TP53BP1: variants seen among roughly 807,000 people sequenced by gnomAD.
TP53BP1 encodes tumor protein p53 binding protein 1.
In TP53BP1, 61 loss-of-function variants were observed where a neutral mutation model predicts 200.8. The ratio of observed to expected loss-of-function variants is 0.30; its 90% confidence interval spans 0.25 to 0.38. The LOEUF (loss-of-function observed/expected upper bound fraction) is 0.38. Among genes scored for constraint, TP53BP1 ranks in the 10% least tolerant of loss-of-function variants. The pLI is 1.00. For synonymous variants in TP53BP1, 822 were observed against 844.3 expected (o/e 0.97, Z 0.46); for missense variants, 2,144 against 2,371.9 (o/e 0.90, Z 2.00).
In TP53BP1 at chr15:43,409,746, ATT is replaced by A; in HGVS notation, c.5306-7_5306-6del. 7.0e-7 allele frequency: 1 copy of A among 1,432,598 alleles called. No individual in the cohort carries two copies. Among genetic ancestry groups the A allele is most frequent in the Non-Finnish European group, 9.5e-7 (1 of 1,054,834 alleles). The allele number at this position is 1,432,598 out of a possible 1,614,324, so 88.7% of individuals were successfully genotyped here. A position where few individuals can be genotyped will look rare whatever the true frequency, so the allele number is the denominator to read the frequency against. ...AAGGAGGAATTTCCAAAAATTCTAT[ATT>A]AAAAAAAAAAACCAAGATAATAATT... On this transcript the variant is annotated splice_region_variant and splice_polypyrimidine_tract_variant and intron_variant, in intron 24 of 27. Coordinates refer to ENST00000382044, the MANE Select transcript of TP53BP1 (RefSeq NM_001141980.3).
chr15:43,428,622 T>C (rs1404511227), intron 17 of TP53BP1, among the ~76,000 whole-genome samples: 1 of 152,240 alleles, frequency 6.6e-6, no homozygotes, highest in Non-Finnish European at 1.5e-5. Context: ...AATCTCAGTT[T>C]ATCTGTTTTT....
At chr15:43,464,598 T>C (rs2140073875) in intron 11 of TP53BP1, among the ~76,000 whole-genome samples, 1 of 152,224 alleles carries the variant, frequency 6.6e-6, no homozygotes, top group South Asian at 2.1e-4. Context: ...ACAATTGTAT[T>C]ATTCAGCAAT....
intron 15 of TP53BP1, 128 bp downstream of exon 15, chr15:43,441,398 C>T: frequency 1.4e-6 from 1 of 719,812 alleles, no homozygotes; most frequent in Non-Finnish European, 2.5e-6. Flanking sequence ...CAAAACATTG[C>T]TAAATCCTTT....
chr15:43,441,244 C>G (rs2045919127), intron 15 of TP53BP1: 2 of 296,716 alleles, frequency 6.7e-6, no homozygotes, highest in Non-Finnish European at 1.2e-5. Context: ...ATTGTGGAGA[C>G]TCTTGTATCA....
chr15:43,405,014 C>A lies in TP53BP1; in HGVS notation c.*2369G>T. Reference sequence around the variant, plus strand: ...GTCATTCCCATTCAGAAAATCACTTCATTGTCCTTTCTCTCTAAAATGTCT... The same window carrying A: ...GTCATTCCCATTCAGAAAATCACTTAATTGTCCTTTCTCTCTAAAATGTCT... On this transcript the variant is annotated 3_prime_UTR_variant, in exon 28 of 28. Transcript: ENST00000382044. The A allele has an allele frequency of 1.6e-6, 1 of 619,662 alleles. No homozygotes were observed. The highest frequency in any genetic ancestry group is 1.9e-5 in the African/African-American group (1 of 53,522). The allele number at this position is 619,662 out of a possible 1,614,324, so 38.4% of individuals were successfully genotyped here. A position where few individuals can be genotyped will look rare whatever the true frequency, so the allele number is the denominator to read the frequency against.
At chr15:43,471,191 C>G (rs512816) in intron 10 of TP53BP1, among the ~76,000 whole-genome samples, 2 of 151,438 alleles carry the variant, frequency 1.3e-5, no homozygotes, top group Admixed American at 6.6e-5. Flanking sequence ...TGCATTAAAT[C>G]TAAAATATAA....
intron 11 of TP53BP1, among the ~76,000 whole-genome samples, chr15:43,467,612 T>A (rs1057068104): frequency 6.6e-6 from 1 of 152,082 alleles, no homozygotes; most frequent in Non-Finnish European, 1.5e-5. Flanking sequence ...AAAACGTCCA[T>A]TCTCCCTTTG....
chr15:43,493,295 TC>T, upstream of TP53BP1: 1 of 1,280,262 alleles, frequency 7.8e-7, no homozygotes, highest in Non-Finnish European at 1.0e-6. Context: ...GCGGCGCGTT[TC>T]CATGGCAGCA....
chr15:43,414,277 G>A (rs2045207635), intron 23 of TP53BP1, among the ~76,000 whole-genome samples: 2 of 152,162 alleles, frequency 1.3e-5, no homozygotes, highest in South Asian at 4.1e-4. Context: ...GTCTTCAACT[G>A]GAAAACTCCT....
chr15:43,420,902 C>T, intron 20 of TP53BP1, 123 bp downstream of exon 20: 1 of 1,364,548 alleles, frequency 7.3e-7, no homozygotes. Flanking sequence ...GATCCCTGCC[C>T]ACTCCCCAGT....
At chr15:43,481,866 G>GT (rs1397946051) in intron 4 of TP53BP1, among the ~76,000 whole-genome samples, 74 of 150,608 alleles carry the variant, frequency 4.9e-4, no homozygotes, top group African/African-American at 1.8e-3. Flanking sequence ...CTAAAGTGCA[G>GT]TAGCACGATC....
intron 7 of TP53BP1, among the ~76,000 whole-genome samples, chr15:43,478,782 C>T (rs2078919461): frequency 6.6e-6 from 1 of 152,200 alleles, no homozygotes; most frequent in South Asian, 2.1e-4. Context: ...ATAAAATAGT[C>T]ATGTTACTCT....
chr15:43,416,762 A>C (rs1219289488), intron 21 of TP53BP1: 1 of 182,008 alleles, frequency 5.5e-6, no homozygotes. Flanking sequence ...ATAACTTCTA[A>C]ACATTTCCTT....
Position 43,492,422 on chromosome 15 carries a change from A to G in TP53BP1, c.54T>C (p.Ser18=), listed in dbSNP as rs548813162. The stretch of plus-strand genomic sequence containing the variant: ...TTATCAGGCAAGGAGTATCTTGCTG[A>G]GAGAAATCTGAATCCAACTGACTTC... ...PTGSQLDSDF[S]QQDTPCLIIE... The change falls in exon 2 of 28, where the codon TCT becomes TCC. Residue 18 remains serine, a synonymous_variant. Coordinates refer to ENST00000382044, the MANE Select transcript of TP53BP1 (RefSeq NM_001141980.3). 1.9e-6 allele frequency: 3 copies of G among 1,614,070 alleles called. No homozygotes were observed. The African/African-American group carries it at 4.0e-5, about 22-fold the overall frequency.
At chr15:43,462,366 T>A in intron 11 of TP53BP1, among the ~76,000 whole-genome samples, 1 of 150,780 alleles carries the variant, frequency 6.6e-6, no homozygotes, top group East Asian at 2.0e-4. Context: ...AGTGGCACAA[T>A]CATAGTTCAC....
In TP53BP1 at chr15:43,454,626, G is replaced by C. The variant is rs2444031; in HGVS notation, c.2716+1266C>G. Among the ~76,000 whole-genome samples, 346 of 152,260 alleles carry C rather than the reference G, an allele frequency of 2.3e-3. 1 individual carries two copies. Among genetic ancestry groups the C allele is most frequent in the African/African-American group, 7.1e-3 (297 of 41,562 alleles). On this transcript the variant is annotated intron_variant, in intron 12 of 27. Transcript: ENST00000382044. ...GATCTGCTGGCCTCAGCCTCCCAAAGTGCTGGGATTACAGGCGTGAGCCAC... is the reference window on the plus strand; with the variant it reads ...GATCTGCTGGCCTCAGCCTCCCAAACTGCTGGGATTACAGGCGTGAGCCAC...
intron 23 of TP53BP1, chr15:43,413,917 A>T (rs1467718840): frequency 2.9e-6 from 1 of 349,488 alleles, no homozygotes; most frequent in Non-Finnish European, 5.8e-6. Context: ...TTACACATAG[A>T]TGGTGCCACA....
At chr15:43,467,646 C>T (rs1017577928) in intron 11 of TP53BP1, among the ~76,000 whole-genome samples, 3 of 152,150 alleles carry the variant, frequency 2.0e-5, no homozygotes, top group East Asian at 3.9e-4. Context: ...TCTCCACCCC[C>T]CCAACCAGCA....
intron 13 of TP53BP1, 172 bp downstream of exon 13, chr15:43,447,194 C>T (rs946071135): frequency 3.2e-6 from 2 of 625,726 alleles, no homozygotes; most frequent in Non-Finnish European, 5.4e-6. Context: ...TCTCTTTACC[C>T]CTCATCTCCT....
Sources: gnomAD v4.1 joint callset for allele counts (sites outside exome capture counted in the v4.1 genomes callset) on GRCh38, gnomAD v4.1.1 for gene constraint, MANE v1.5 for transcripts, NCBI Gene and HGNC (gene_info 2026-07-23, HGNC 2026-07-21) for gene names.